DTNA: variants seen among roughly 807,000 people sequenced by gnomAD.
The protein encoded by DTNA is dystrophin-related protein 3.
A neutral mutation model predicts 100.7 loss-of-function variants in DTNA; 43 were observed. That is an observed-to-expected ratio of 0.43 (90% CI 0.33 to 0.55). The LOEUF (loss-of-function observed/expected upper bound fraction) is 0.55, where lower values mean the gene tolerates loss of function less well. Among genes scored for constraint, DTNA ranks in the 20% least tolerant of loss-of-function variants. The pLI is 0.04. For synonymous variants in DTNA, 349 were observed against 347.9 expected, an observed-to-expected ratio of 1.00 and a Z score of -0.04; for missense variants, 798 against 953.9, an observed-to-expected ratio of 0.84 and a Z score of 2.15.
At chr18:34,883,869 G>A (rs1008477619) in intron 21 of DTNA, among the ~76,000 whole-genome samples, 2 of 152,206 alleles carry the variant, frequency 1.3e-5, no homozygotes, top group African/African-American at 4.8e-5. Context: ...CAACTAAAAT[G>A]TTGGTCTAGC....
chr18:34,817,505 G>C (rs1425376383), intron 7 of DTNA, among the ~76,000 whole-genome samples: 1 of 151,808 alleles, frequency 6.6e-6, no homozygotes, highest in Non-Finnish European at 1.5e-5. Flanking sequence ...GTCTCTTGAG[G>C]CATTTGAATT....
chr18:34,822,999 A>T (rs1238047033), intron 9 of DTNA, among the ~76,000 whole-genome samples: 2 of 152,248 alleles, frequency 1.3e-5, no homozygotes, highest in African/African-American at 2.4e-5. Flanking sequence ...GAAATAACAT[A>T]CAAGACATTC....
At chr18:34,521,727 C>T (rs895734177) in intron 1 of DTNA, among the ~76,000 whole-genome samples, 16 of 152,320 alleles carry the variant, frequency 1.1e-4, no homozygotes, top group East Asian at 5.8e-4. Context: ...CTTACTCTCT[C>T]GCTTCACACA....
chr18:34,732,714 A>G (rs1252623163), intron 1 of DTNA, among the ~76,000 whole-genome samples: 2 of 152,256 alleles, frequency 1.3e-5, no homozygotes, highest in African/African-American at 4.8e-5. Context: ...TTCTAAGTCT[A>G]AAGTGCTATG....
intron 1 of DTNA, among the ~76,000 whole-genome samples, chr18:34,690,537 G>A (rs1022635503): frequency 3.9e-5 from 6 of 152,138 alleles, no homozygotes; most frequent in Non-Finnish European, 7.4e-5. Flanking sequence ...CACCTGTTGC[G>A]TTGGTCTCAC....
intron 2 of DTNA, among the ~76,000 whole-genome samples, chr18:34,760,899 C>A (rs1229676962): frequency 6.6e-6 from 1 of 152,148 alleles, no homozygotes; most frequent in Non-Finnish European, 1.5e-5. Context: ...CTGTGGATAT[C>A]TTACTTGGAC....
At position 34,864,213 on chromosome 18, in the gene DTNA, C is replaced by G. The variant is rs1420296402; in HGVS notation, c.1743+151C>G. 3 of 645,688 alleles carry G rather than the reference C, an allele frequency of 4.6e-6. No individual in the cohort carries two copies. The African/African-American group carries it at 5.5e-5, about 12-fold the overall frequency. 40.0% of individuals were successfully genotyped at this position (645,688 alleles called of 1,614,324 possible). A position where few individuals can be genotyped will look rare whatever the true frequency, so the allele number is the denominator to read the frequency against. ...TCAGATGTAAAACAATTTGTTAGAC[C>G]AGTGTAGCAGTAGCTGTCAGTAATA... On this transcript the variant is annotated intron_variant, in intron 17 of 22. Transcript: ENST00000444659.
chr18:34,679,525 A>C (rs1225114226), intron 1 of DTNA: 1 of 152,192 alleles, frequency 6.6e-6, no homozygotes, highest in Non-Finnish European at 1.5e-5. Flanking sequence ...AAGTGCCATA[A>C]TCAACTGCCA....
At chr18:34,719,008 T>TGGAA (rs1568309308) in intron 1 of DTNA, among the ~76,000 whole-genome samples, 1 of 151,952 alleles carries the variant, frequency 6.6e-6, no homozygotes, top group Non-Finnish European at 1.5e-5. Context: ...TGGAGAACAG[T>TGGAA]CATAGAACAT....
At chr18:34,615,543 A>G (rs2055094759) in intron 1 of DTNA, among the ~76,000 whole-genome samples, 1 of 152,150 alleles carries the variant, frequency 6.6e-6, no homozygotes. Flanking sequence ...GATTGTCGGC[A>G]TTTTTTGGAG....
intron 3 of DTNA, among the ~76,000 whole-genome samples, chr18:34,784,412 G>A (rs1601955787): frequency 2.0e-5 from 3 of 152,064 alleles, no homozygotes; most frequent in South Asian, 2.1e-4. Flanking sequence ...CACCATCATC[G>A]TTCTTTGCTC....
At chr18:34,608,751 T>C (rs1178743615) in intron 1 of DTNA, among the ~76,000 whole-genome samples, 2 of 152,216 alleles carry the variant, frequency 1.3e-5, no homozygotes, top group African/African-American at 4.8e-5. Context: ...ATGTCAACTC[T>C]GCTGCCTTCT....
chr18:34,697,426 A>C (rs1449625529), intron 1 of DTNA, among the ~76,000 whole-genome samples: 1 of 152,140 alleles, frequency 6.6e-6, no homozygotes, highest in Non-Finnish European at 1.5e-5. Context: ...CCCCTATTAA[A>C]ATGCATGTGT....
intron 9 of DTNA, 108 bp downstream of exon 9, chr18:34,821,023 T>C: frequency 6.6e-7 from 1 of 1,519,478 alleles, no homozygotes; most frequent in Non-Finnish European, 9.0e-7. Flanking sequence ...AGATTTTTAA[T>C]TTAGTTTAAA....
intron 1 of DTNA, among the ~76,000 whole-genome samples, chr18:34,536,006 T>G (rs943680419): frequency 6.6e-6 from 1 of 152,084 alleles, no homozygotes; most frequent in Non-Finnish European, 1.5e-5. Context: ...ACTTTATGCT[T>G]CTTTTCCTAA....
At chr18:34,524,286 G>A (rs2042407647) in intron 1 of DTNA, among the ~76,000 whole-genome samples, 1 of 152,098 alleles carries the variant, frequency 6.6e-6, no homozygotes, top group South Asian at 2.1e-4. Context: ...AAATATAAAA[G>A]TATTTTGTAC....
intron 1 of DTNA, among the ~76,000 whole-genome samples, chr18:34,573,247 G>T (rs2047765905): frequency 6.6e-6 from 1 of 152,190 alleles, no homozygotes; most frequent in Non-Finnish European, 1.5e-5. Flanking sequence ...AGAAAGGTCT[G>T]CTGGGCAAAG....
At chr18:34,810,817 G>A (rs1434236396) in intron 5 of DTNA, among the ~76,000 whole-genome samples, 1 of 152,092 alleles carries the variant, frequency 6.6e-6, no homozygotes, top group African/African-American at 2.4e-5. Context: ...CCATAAATAT[G>A]TACATTAATT....
intron 3 of DTNA, among the ~76,000 whole-genome samples, chr18:34,779,744 G>A (rs963924246): frequency 6.6e-6 from 1 of 152,094 alleles, no homozygotes; most frequent in Admixed American, 6.5e-5. Context: ...GTTGGTTCTT[G>A]GCACTATCTT....
Sources: gnomAD v4.1 joint callset for allele counts (sites outside exome capture counted in the v4.1 genomes callset) on GRCh38, gnomAD v4.1.1 for gene constraint, MANE v1.5 for transcripts, NCBI Gene and HGNC (gene_info 2026-07-23, HGNC 2026-07-21) for gene names.